The following NF1 variants were observed in gnomAD, a reference collection of about 807,000 sequenced individuals.
NF1 encodes the protein neurofibromin 1.
NF1 carries 122 observed loss-of-function variants against 325.7 expected under a neutral mutation model. The ratio of observed to expected loss-of-function variants is 0.37; its 90% CI spans 0.32 to 0.44. The LOEUF (loss-of-function observed/expected upper bound fraction) is 0.44. NF1 is among the 20% of genes least tolerant of loss of function. NF1 has a pLI of 1.00. For synonymous variants in NF1, 1,091 were observed against 1,186.0 expected (o/e 0.92, Z 1.65); for missense variants, 2,140 against 3,415.4 (o/e 0.63, Z 9.31).
chr17:31,262,210 C>G (rs971463642), intron 35 of NF1, among the ~76,000 whole-genome samples: 3 of 152,150 alleles, frequency 2.0e-5, no homozygotes, highest in African/African-American at 7.2e-5. Context: ...ACACCTGATT[C>G]ATAGGTCTTT....
intron 36 of NF1, chr17:31,296,443 C>T (rs1215946055): frequency 3.8e-5 from 39 of 1,028,684 alleles, no homozygotes; most frequent in Admixed American, 1.2e-4. Context: ...TCGTTGTTGT[C>T]GAGTCCTTTT....
At chr17:31,242,071 G>C (rs951779017) in intron 29 of NF1, among the ~76,000 whole-genome samples, 2 of 150,258 alleles carry the variant, frequency 1.3e-5, no homozygotes, top group Non-Finnish European at 3.0e-5. Context: ...ACTCTCTCCT[G>C]GCCTCTAAGG....
intron 5 of NF1, among the ~76,000 whole-genome samples, chr17:31,174,135 A>G (rs755094504): frequency 6.6e-6 from 1 of 152,232 alleles, no homozygotes; most frequent in Non-Finnish European, 1.5e-5. Flanking sequence ...AAAATCGCTT[A>G]TAGACAGGTC....
At chr17:31,291,077 A>G (rs572076800) in intron 36 of NF1, among the ~76,000 whole-genome samples, 59 of 152,242 alleles carry the variant, frequency 3.9e-4, no homozygotes, top group African/African-American at 1.4e-3. Context: ...TTCTTTTTCT[A>G]TTCTTGCTTG....
chr17:31,321,385 C>G (rs2069187368), intron 36 of NF1: 1 of 152,036 alleles, frequency 6.6e-6, no homozygotes, highest in South Asian at 2.1e-4. Flanking sequence ...AGTCACAATT[C>G]TAGTTTGTTA....
chr17:31,310,255 A>C lies in NF1; in HGVS notation c.4836-15565A>C, dbSNP rs553214767. On this transcript the variant is annotated intron_variant, in intron 36 of 57. Transcript: ENST00000358273. ...GCAATGCAAAGAAATACAAAATAACACAAAAGAGAAAAAACAAAAACTCTA... is the reference window on the plus strand; with the variant it reads ...GCAATGCAAAGAAATACAAAATAACCCAAAAGAGAAAAAACAAAAACTCTA... Among the ~76,000 whole-genome samples, 9 of 152,328 alleles carry C rather than the reference A, an allele frequency of 5.9e-5. No homozygotes were observed. The South Asian group carries it at 1.9e-3, about 32-fold the overall frequency.
chr17:31,360,696 T>C lies in NF1; in HGVS notation c.8370T>C (p.His2790=), dbSNP rs766620451. The change falls in exon 57 of 58, where the codon CAT becomes CAC. Residue 2790 remains histidine (H), a synonymous_variant. Coordinates refer to ENST00000358273, the MANE Select transcript of NF1 (RefSeq NM_001042492.3). ...NSMTSLATSQ[H]SPGIDKENVE... is the part of the protein sequence containing the mutation. ...TGACCTCACTTGCAACTTCCCAGCA[T>C]TCCCCAGGTCAGTAAATGTGATCTT... 1 of 1,611,534 alleles carries C rather than the reference T, an allele frequency of 6.2e-7. No individual in the cohort carries two copies. Among genetic ancestry groups the C allele is most frequent in the Admixed American group, 1.7e-5 (1 of 60,012 alleles).
At chr17:31,173,998 T>TACTTATTTGCA (rs1251574456) in intron 5 of NF1, among the ~76,000 whole-genome samples, 1 of 152,288 alleles carries the variant, frequency 6.6e-6, no homozygotes, top group East Asian at 1.9e-4. Flanking sequence ...TTTGGAGAGT[T>TACTTATTTGCA]ACTTATTTGC....
intron 36 of NF1, among the ~76,000 whole-genome samples, chr17:31,301,460 G>A (rs2068572095): frequency 6.6e-6 from 1 of 151,912 alleles, no homozygotes; most frequent in African/African-American, 2.4e-5. Context: ...TGTTTGTTTA[G>A]TCATATACCG....
chr17:31,360,182 C>T (rs921948131), intron 56 of NF1: 3 of 400,086 alleles, frequency 7.5e-6, no homozygotes, highest in South Asian at 2.3e-5. Flanking sequence ...CTCATTTTCT[C>T]TGTTTTGGAA....
intron 29 of NF1, among the ~76,000 whole-genome samples, chr17:31,245,844 C>T (rs1468921382): frequency 6.6e-6 from 1 of 152,194 alleles, no homozygotes. Context: ...GATAAACTCA[C>T]CTTCAGCCTC....
chr17:31,131,727 G>A (rs1215941875), intron 1 of NF1, among the ~76,000 whole-genome samples: 1 of 152,120 alleles, frequency 6.6e-6, no homozygotes, highest in Non-Finnish European at 1.5e-5. Flanking sequence ...TGTTTAGGAT[G>A]TTTGTATCTA....
At chr17:31,346,840 T>TTA in intron 48 of NF1, among the ~76,000 whole-genome samples, 1 of 143,992 alleles carries the variant, frequency 6.9e-6, no homozygotes, top group East Asian at 2.1e-4. Context: ...TTTTTTTTTT[T>TTA]ACATCTGTTT....
intron 48 of NF1, 109 bp downstream of exon 48, chr17:31,343,244 T>G: frequency 9.1e-7 from 1 of 1,104,068 alleles, no homozygotes; most frequent in Non-Finnish European, 1.3e-6. Flanking sequence ...CCCTTATGTC[T>G]TACTTTAAAT....
At chr17:31,163,977 T>C (rs912772169) in intron 4 of NF1, among the ~76,000 whole-genome samples, 3 of 152,352 alleles carry the variant, frequency 2.0e-5, no homozygotes, top group African/African-American at 7.2e-5. Flanking sequence ...GTGGACTACA[T>C]TTTAAATGTA....
chr17:31,168,024 G>A (rs1386734992), intron 4 of NF1, among the ~76,000 whole-genome samples: 2 of 152,046 alleles, frequency 1.3e-5, no homozygotes, highest in African/African-American at 4.8e-5. Flanking sequence ...AGTTTCATTC[G>A]TGTTTCAAAA....
At chr17:31,152,712 C>G (rs1917033963) in intron 1 of NF1, among the ~76,000 whole-genome samples, 1 of 151,204 alleles carries the variant, frequency 6.6e-6, no homozygotes, top group South Asian at 2.1e-4. Context: ...TATTCCACAT[C>G]TTTTGTCATT....
intron 12 of NF1, among the ~76,000 whole-genome samples, chr17:31,211,796 T>C (rs1449074237): frequency 6.6e-6 from 1 of 152,152 alleles, no homozygotes; most frequent in Admixed American, 6.5e-5. Context: ...GGACTGGAAG[T>C]TGCTGTGGGT....
At chr17:31,294,133 T>C (rs1485710043) in intron 36 of NF1, among the ~76,000 whole-genome samples, 1 of 152,230 alleles carries the variant, frequency 6.6e-6, no homozygotes, top group African/African-American at 2.4e-5. Flanking sequence ...TTAATTTAGG[T>C]AATTCTGATT....
Sources: gnomAD v4.1 joint callset for allele counts (sites outside exome capture counted in the v4.1 genomes callset) on GRCh38, gnomAD v4.1.1 for gene constraint, MANE v1.5 for transcripts, NCBI Gene and HGNC (gene_info 2026-07-23, HGNC 2026-07-21) for gene names.